The following CARMIL1 variants were observed in gnomAD, a reference collection of about 807,000 sequenced individuals.
CARMIL1 encodes F-actin-uncapping protein LRRC16A.
Under a neutral mutation model 177.1 loss-of-function variants are expected in CARMIL1, and 90 were observed. The ratio of observed to expected loss-of-function variants is 0.51; its 90% confidence interval spans 0.43 to 0.61. The LOEUF is 0.61. CARMIL1 is among the 20% of genes least tolerant of loss of function. The pLI is 0.00. For missense variants in CARMIL1, 1,380 were observed against 1,667.0 expected (o/e 0.83, Z 3.00); for synonymous variants, 577 against 606.2 (o/e 0.95, Z 0.71).
intron 2 of CARMIL1, among the ~76,000 whole-genome samples, chr6:25,401,003 ATACT>A (rs3034155): frequency 0.43 from 64,614 of 151,506 alleles, 13,911 homozygotes; most frequent in Middle Eastern, 0.57. Flanking sequence ...AATAGCTAAC[ATACT>A]TACTTTAGTT....
intron 12 of CARMIL1, among the ~76,000 whole-genome samples, chr6:25,487,814 C>T (rs771790511): frequency 1.4e-4 from 22 of 152,326 alleles, no homozygotes; most frequent in Middle Eastern, 3.4e-3. Flanking sequence ...GCAGCCTCCT[C>T]ACATATTCAT....
chr6:25,400,827 T>TCATGAAACATA (rs1793824110), intron 2 of CARMIL1, among the ~76,000 whole-genome samples: 1 of 152,180 alleles, frequency 6.6e-6, no homozygotes, highest in Non-Finnish European at 1.5e-5. Flanking sequence ...TTCAGTGTCA[T>TCATGAAACATA]CATGAAACAT....
chr6:25,329,124 C>G (rs950228367), intron 2 of CARMIL1, among the ~76,000 whole-genome samples: 2 of 152,158 alleles, frequency 1.3e-5, no homozygotes. Flanking sequence ...CTCTACTGTG[C>G]TTTAAATACG....
chr6:25,458,663 GT>G (rs1799745287), intron 8 of CARMIL1, among the ~76,000 whole-genome samples: 1 of 152,050 alleles, frequency 6.6e-6, no homozygotes, highest in African/African-American at 2.4e-5. Flanking sequence ...TGGAAGGCAA[GT>G]TAGTCATTGG....
intron 31 of CARMIL1, among the ~76,000 whole-genome samples, chr6:25,585,774 C>T (rs1813587192): frequency 6.6e-6 from 1 of 152,038 alleles, no homozygotes; most frequent in Admixed American, 6.5e-5. Context: ...TGCCTTCAAG[C>T]ATCTGTTTAA....
At chr6:25,500,119 G>A in intron 16 of CARMIL1, 47 bp from the exon 17 acceptor site, 1 of 1,542,230 alleles carries the variant, frequency 6.5e-7, no homozygotes, top group Non-Finnish European at 8.9e-7. Context: ...TTTTCTTTTG[G>A]GCAGTGTGTG....
chr6:25,443,418 A>T (rs1478477135), intron 5 of CARMIL1, among the ~76,000 whole-genome samples: 1 of 152,206 alleles, frequency 6.6e-6, no homozygotes, highest in Non-Finnish European at 1.5e-5. Flanking sequence ...CCTTTGGGTA[A>T]AATAGACAAA....
intron 32 of CARMIL1, 79 bp from the exon 33 acceptor site, chr6:25,600,235 A>G: frequency 7.5e-7 from 1 of 1,332,496 alleles, no homozygotes; most frequent in Non-Finnish European, 1.0e-6. Context: ...AGCAATCTCC[A>G]TATTTATATT....
chr6:25,379,677 G>A (rs1048493591), intron 2 of CARMIL1, among the ~76,000 whole-genome samples: 1 of 152,154 alleles, frequency 6.6e-6, no homozygotes, highest in East Asian at 1.9e-4. Flanking sequence ...AGGGTGAAAT[G>A]CCTTTGATCT....
chr6:25,587,571 A>G (rs1813879917), intron 31 of CARMIL1, among the ~76,000 whole-genome samples: 2 of 152,244 alleles, frequency 1.3e-5, no homozygotes, highest in African/African-American at 2.4e-5. Flanking sequence ...TATTATCTTT[A>G]CAATATAAAT....
At chr6:25,306,725 C>T (rs889976116) in intron 2 of CARMIL1, among the ~76,000 whole-genome samples, 2 of 152,048 alleles carry the variant, frequency 1.3e-5, no homozygotes, top group African/African-American at 4.8e-5. Context: ...TATTTTTTGG[C>T]TACTGTGAAT....
chr6:25,619,733 C>CTTTT lies in CARMIL1; in HGVS notation c.*175_*178dup, dbSNP rs59911299. The CTTTT allele has an allele frequency of 8.6e-5, 8 of 93,294 alleles. No individual in the cohort carries two copies. The highest frequency in any genetic ancestry group is 3.9e-4 in the South Asian group (1 of 2,548). The allele number at this position is 93,294 out of a possible 1,614,324, so 5.8% of individuals were successfully genotyped here. Reference sequence around the variant, plus strand: ...TTTCGCCCCCACCCCCATCCCCTGCCTTTTTTTTTTTTTTTTTTTTTTTTT... The same window carrying CTTTT: ...TTTCGCCCCCACCCCCATCCCCTGCCTTTTTTTTTTTTTTTTTTTTTTTTTTTTT... On this transcript the variant is annotated 3_prime_UTR_variant, in exon 37 of 37. Transcript: ENST00000329474.
chr6:25,457,976 A>C (rs1799688945), intron 8 of CARMIL1, among the ~76,000 whole-genome samples: 1 of 152,198 alleles, frequency 6.6e-6, no homozygotes, highest in African/African-American at 2.4e-5. Flanking sequence ...GTCTATTTAA[A>C]AGTCACAGTG....
intron 2 of CARMIL1, among the ~76,000 whole-genome samples, chr6:25,384,508 G>A (rs768826514): frequency 8.5e-5 from 13 of 152,342 alleles, no homozygotes; most frequent in Middle Eastern, 3.4e-3. Flanking sequence ...TCGTGTGTCC[G>A]TTGGGTGATG....
chr6:25,575,027 T>C (rs1812457243), intron 29 of CARMIL1, among the ~76,000 whole-genome samples: 1 of 152,220 alleles, frequency 6.6e-6, no homozygotes, highest in African/African-American at 2.4e-5. Context: ...TTGGCATTTA[T>C]TATCTTATTT....
intron 11 of CARMIL1, among the ~76,000 whole-genome samples, 176 bp from the exon 12 acceptor site, chr6:25,482,081 G>C (rs944129920): frequency 6.6e-6 from 1 of 152,112 alleles, no homozygotes; most frequent in South Asian, 2.1e-4. Context: ...TTACCCTGTA[G>C]GTAGGACAGA....
intron 26 of CARMIL1, among the ~76,000 whole-genome samples, chr6:25,545,961 C>G (rs1242329439): frequency 1.3e-5 from 2 of 152,088 alleles, no homozygotes; most frequent in African/African-American, 4.8e-5. Context: ...AGCCTGAAAA[C>G]TAATGAGCTG....
chr6:25,303,152 T>G (rs183816249), intron 2 of CARMIL1, among the ~76,000 whole-genome samples: 1 of 152,040 alleles, frequency 6.6e-6, no homozygotes, highest in Non-Finnish European at 1.5e-5. Flanking sequence ...TTGTGAGAGT[T>G]GTTTATGCTG....
intron 2 of CARMIL1, among the ~76,000 whole-genome samples, chr6:25,309,912 G>A (rs1042504089): frequency 1.3e-5 from 2 of 151,764 alleles, no homozygotes; most frequent in African/African-American, 4.8e-5. Context: ...TGGGATTACA[G>A]GTGCACGCCA....
Sources: allele counts gnomAD v4.1 joint callset (sites outside exome capture counted in the v4.1 genomes callset), GRCh38; gene constraint gnomAD v4.1.1; transcripts MANE v1.5; gene names NCBI Gene and HGNC (gene_info 2026-07-23, HGNC 2026-07-21).